Variants in PYGB observed in about 807,000 individuals in gnomAD.
The protein encoded by PYGB is glycogen phosphorylase B.
PYGB carries 82 observed loss-of-function variants against 94.3 expected under a neutral mutation model. The observed-to-expected ratio is 0.87, with a 90% confidence interval of 0.73 to 1.04. PYGB has a LOEUF of 1.04. PYGB is among the 50% of genes least tolerant of loss of function. The probability of loss-of-function intolerance (pLI) is 0.00; values close to 1 mark genes in which losing one functional copy is unlikely to be tolerated. For synonymous variants in PYGB, 488 were observed against 479.1 expected (o/e 1.02, Z -0.24); for missense variants, 1,132 against 1,158.2 (o/e 0.98, Z 0.33).
Position 25,278,301 on chromosome 20 carries a change from TTGCTCTGCTGTG to T in PYGB, c.856-14_856-3del. The T allele has an allele frequency of 8.5e-7, 1 of 1,174,062 alleles. No homozygotes were observed. Among genetic ancestry groups the T allele is most frequent in the Non-Finnish European group, 1.1e-6 (1 of 901,278 alleles). The allele number at this position is 1,174,062 out of a possible 1,614,324, so 72.7% of individuals were successfully genotyped here. A position where few individuals can be genotyped will look rare whatever the true frequency, so the allele number is the denominator to read the frequency against. On this transcript the variant is annotated splice_region_variant and splice_polypyrimidine_tract_variant and intron_variant, in intron 7 of 19. Coordinates refer to ENST00000216962, the MANE Select transcript of PYGB (RefSeq NM_002862.4). ...AATGGCCCAGCCTGCACCCTCCAGC[TTGCTCTGCTGTG>T]TGCAGTTCTTTGAGGGGAAGGAGCT...
At chr20:25,264,641 CAG>C (rs1390957999) in intron 2 of PYGB, among the ~76,000 whole-genome samples, 2 of 152,290 alleles carry the variant, frequency 1.3e-5, no homozygotes, top group East Asian at 3.9e-4. Flanking sequence ...AACAGACAAA[CAG>C]AGGGCCAAAT....
At chr20:25,267,483 C>G (rs1404532126) in intron 2 of PYGB, among the ~76,000 whole-genome samples, 1 of 152,108 alleles carries the variant, frequency 6.6e-6, no homozygotes, top group African/African-American at 2.4e-5. Context: ...GTCTTCAGTT[C>G]AGAAGCCCAC....
At chr20:25,253,292 T>G (rs1201957523) in intron 1 of PYGB, among the ~76,000 whole-genome samples, 1 of 152,226 alleles carries the variant, frequency 6.6e-6, no homozygotes, top group Non-Finnish European at 1.5e-5. Flanking sequence ...TCTGTCTCTC[T>G]CTACACATAC....
intron 18 of PYGB, 133 bp from the exon 19 acceptor site, chr20:25,295,471 C>A: frequency 1.0e-6 from 1 of 986,858 alleles, no homozygotes. Flanking sequence ...TGACCAGCTG[C>A]GTGGGTGGGC....
chr20:25,265,398 C>T (rs1389518696), intron 2 of PYGB, among the ~76,000 whole-genome samples: 2 of 152,102 alleles, frequency 1.3e-5, no homozygotes, highest in African/African-American at 4.8e-5. Flanking sequence ...TGCTTCTTCT[C>T]TGTTTTTTGA....
chr20:25,292,473 C>A lies in PYGB; in HGVS notation c.2037C>A (p.Asn679Lys). The stretch of plus-strand genomic sequence containing the variant: ...GCACCGAGGCCTCAGGCACAGGCAA[C>A]ATGAAGTTCATGCTCAACGGGGCCC... ...TAGTEASGTGNMKFMLNGALT... is the reference protein window; with the variant it reads ...TAGTEASGTGKMKFMLNGALT... Residue 679 changes from asparagine to lysine, a missense_variant, in exon 17 of 20, where the codon AAC becomes AAA. By Grantham distance (94) the Asn-to-Lys change is moderately conservative. Transcript: ENST00000216962. 1.2e-6 allele frequency: 2 copies of A among 1,613,680 alleles called. No homozygotes were observed. Among genetic ancestry groups the A allele is most frequent in the Non-Finnish European group, 1.7e-6 (2 of 1,180,034 alleles).
intron 5 of PYGB, among the ~76,000 whole-genome samples, chr20:25,275,300 G>C (rs1225233510): frequency 6.6e-6 from 1 of 152,260 alleles, no homozygotes; most frequent in African/African-American, 2.4e-5. Flanking sequence ...AGCCTAGAGT[G>C]CTCGGCAGCG....
Position 25,279,156 on chromosome 20 carries a change from A to G in PYGB, c.1092+7A>G. 1 of 1,613,354 alleles carries G rather than the reference A, an allele frequency of 6.2e-7. No individual in the cohort carries two copies. The highest frequency in any genetic ancestry group is 1.3e-5 in the African/African-American group (1 of 75,014). On this transcript the variant is annotated splice_region_variant and intron_variant, in intron 9 of 19. Coordinates refer to ENST00000216962, the MANE Select transcript of PYGB (RefSeq NM_002862.4). ...GAAGGTGGACTGGGACAAGGTGAGC[A>G]TGGAGGAAAAGGGCGGCACCTCCCC...
chr20:25,278,336 G>C lies in PYGB; in HGVS notation c.873G>C (p.Glu291Asp). ...YPNDNFFEGK[E>D]LRLKQEYFVV... ...GTGTGCAGTTCTTTGAGGGGAAGGA[G>C]CTGCGGCTGAAGCAGGAGTACTTCG... The change falls in exon 8 of 20, where the codon GAG (glutamate) becomes GAC (aspartate). Residue 291 changes from glutamate to aspartate, a missense_variant. Glu to Asp is a conservative substitution (Grantham distance 45). Transcript: ENST00000216962. The C allele has an allele frequency of 6.3e-7, 1 of 1,586,456 alleles. No individual in the cohort carries two copies.
At position 25,290,471 on chromosome 20, in the gene PYGB, C is replaced by T. The variant is rs1331343414; in HGVS notation, c.1828-10C>T. On this transcript the variant is annotated splice_polypyrimidine_tract_variant and intron_variant, in intron 15 of 19. Coordinates refer to ENST00000216962, the MANE Select transcript of PYGB (RefSeq NM_002862.4). ...TTTTTGTGCTAAAAACCTTCACCCTCTCCTTCCAGGCAGCGCCCGGTTACC... is the reference window on the plus strand; with the variant it reads ...TTTTTGTGCTAAAAACCTTCACCCTTTCCTTCCAGGCAGCGCCCGGTTACC... The T allele has an allele frequency of 6.2e-7, 1 of 1,601,472 alleles. No individual in the cohort carries two copies. The highest frequency in any genetic ancestry group is 1.3e-5 in the African/African-American group (1 of 74,766).
At chr20:25,284,390 T>C in intron 14 of PYGB, 139 bp downstream of exon 14, 1 of 1,208,848 alleles carries the variant, frequency 8.3e-7, no homozygotes, top group Admixed American at 2.7e-5. Flanking sequence ...ATGTGGCACG[T>C]TTATTTTAAG....
chr20:25,297,981 C>T lies in PYGB; in HGVS notation c.*1459C>T, dbSNP rs892880706. 6.6e-6 allele frequency: 1 copy of T among 152,236 alleles called. No individual in the cohort carries two copies. Among genetic ancestry groups the T allele is most frequent in the Non-Finnish European group, 1.5e-5 (1 of 68,100 alleles). The allele number at this position is 152,236 out of a possible 1,614,324, so 9.4% of individuals were successfully genotyped here. A position where few individuals can be genotyped will look rare whatever the true frequency, so the allele number is the denominator to read the frequency against. The stretch of plus-strand genomic sequence containing the variant: ...TTGTTACTGCCTTGTGAGATAAAAA[C>T]TGATTAAACCTTTGTGGCTGTGGTT... On this transcript the variant is annotated 3_prime_UTR_variant, in exon 20 of 20. Transcript: ENST00000216962.
chr20:25,276,583 AGAGGCACAGGG>A, intron 5 of PYGB, 52 bp from the exon 6 acceptor site: 2 of 1,414,440 alleles, frequency 1.4e-6, no homozygotes, highest in African/African-American at 2.8e-5. Context: ...TGGGCCGGGG[AGAGGCACAGGG>A]GCCGGCGGGG....
intron 1 of PYGB, among the ~76,000 whole-genome samples, chr20:25,253,924 T>C (rs962061651): frequency 2.0e-5 from 3 of 152,054 alleles, no homozygotes; most frequent in African/African-American, 4.8e-5. Context: ...ATACAAAAAT[T>C]AGCCAGGCAT....
At chr20:25,264,162 A>G (rs1037631151) in intron 2 of PYGB, among the ~76,000 whole-genome samples, 3 of 152,226 alleles carry the variant, frequency 2.0e-5, no homozygotes, top group African/African-American at 7.2e-5. Context: ...ATATAAACAG[A>G]ATCAAAGACA....
intron 15 of PYGB, among the ~76,000 whole-genome samples, chr20:25,289,384 G>A (rs148295397): frequency 2.6e-5 from 4 of 152,350 alleles, no homozygotes; most frequent in East Asian, 1.9e-4. Flanking sequence ...GGTGTCTCAC[G>A]TCTGTAATCC....
At position 25,297,486 on chromosome 20, in the gene PYGB, C is replaced by T. The variant is rs1014318860; in HGVS notation, c.*964C>T. The T allele has an allele frequency of 3.3e-5, 5 of 152,452 alleles. No homozygotes were observed. Among genetic ancestry groups the T allele is most frequent in the African/African-American group, 9.6e-5 (4 of 41,458 alleles). 9.4% of individuals were successfully genotyped at this position (152,452 alleles called of 1,614,324 possible). A position where few individuals can be genotyped will look rare whatever the true frequency, so the allele number is the denominator to read the frequency against. On this transcript the variant is annotated 3_prime_UTR_variant, in exon 20 of 20. Transcript: ENST00000216962. Reference sequence around the variant, plus strand: ...ACACACAAGGGCCAGGCTCCATTCTCCCTCCCTTTCCACCAGTGCCACAGC... The same window carrying T: ...ACACACAAGGGCCAGGCTCCATTCTTCCTCCCTTTCCACCAGTGCCACAGC...
At chr20:25,283,375 G>GTAGGA in intron 13 of PYGB, 98 bp downstream of exon 13, 1 of 1,094,388 alleles carries the variant, frequency 9.1e-7, no homozygotes, top group Non-Finnish European at 1.3e-6. Context: ...CACAGGTCCT[G>GTAGGA]GGGTACCCAC....
At chr20:25,290,311 G>C (rs1019047966) in intron 15 of PYGB, among the ~76,000 whole-genome samples, 170 bp from the exon 16 acceptor site, 1 of 152,230 alleles carries the variant, frequency 6.6e-6, no homozygotes, top group Non-Finnish European at 1.5e-5. Flanking sequence ...GTGCGCAGCA[G>C]AGCTGGGGCC....
Sources: allele counts gnomAD v4.1 joint callset (sites outside exome capture counted in the v4.1 genomes callset), GRCh38; gene constraint gnomAD v4.1.1; transcripts MANE v1.5; gene names NCBI Gene and HGNC (gene_info 2026-07-23, HGNC 2026-07-21).